The following NAA11 variants were observed in gnomAD, a reference collection of about 807,000 sequenced individuals.
The protein encoded by NAA11 is N-alpha-acetyltransferase 11.
NAA11 carries 15 observed loss-of-function variants against 16.1 expected under a neutral mutation model. The ratio of observed to expected loss-of-function variants is 0.93; its 90% CI spans 0.62 to 1.44. The LOEUF (loss-of-function observed/expected upper bound fraction) is 1.44, where lower values mean the gene tolerates loss of function less well. Ranked by LOEUF, NAA11 falls within the 40% of genes most tolerant of loss-of-function variation. The pLI, the probability that NAA11 is intolerant of heterozygous loss-of-function variation, is 0.00. For missense variants in NAA11, 298 were observed against 291.3 expected, an observed-to-expected ratio of 1.02 and a Z score of -0.17; for synonymous variants, 122 against 112.4, an observed-to-expected ratio of 1.09 and a Z score of -0.54.
At chr4:79,217,120 T>G in the NAA11 span, among the ~76,000 whole-genome samples, 4 of 152,216 alleles carry the variant, frequency 2.6e-5, no homozygotes, top group African/African-American at 9.6e-5. Flanking sequence ...ATTAGACATA[T>G]TGTAAATCAC....
chr4:79,225,183 A>G (rs866664944), downstream of NAA11, among the ~76,000 whole-genome samples: 25 of 152,036 alleles, frequency 1.6e-4, no homozygotes, highest in Middle Eastern at 3.2e-3. Context: ...GGGAAACTCA[A>G]TGTGGGGTAG....
chr4:79,241,253 T>G (rs542351370), intron 2 of NAA11, among the ~76,000 whole-genome samples: 1 of 152,244 alleles, frequency 6.6e-6, no homozygotes, highest in Non-Finnish European at 1.5e-5. Context: ...ATTTTCTTAT[T>G]AACATTTTAT....
intron 1 of NAA11, among the ~76,000 whole-genome samples, chr4:79,324,805 T>A (rs937619728): frequency 6.6e-6 from 1 of 152,186 alleles, no homozygotes; most frequent in Non-Finnish European, 1.5e-5. Context: ...CATTATTTCA[T>A]CAAGAGTTGG....
At chr4:79,303,074 TTTTATATA>T (rs1487525979) in intron 1 of NAA11, among the ~76,000 whole-genome samples, 3 of 72,282 alleles carry the variant, frequency 4.2e-5, no homozygotes, top group Admixed American at 1.5e-4. Context: ...TCTTGAGGCC[TTTTATATA>T]TATATATATA....
At chr4:79,175,823 C>T in the NAA11 span, among the ~76,000 whole-genome samples, 1 of 149,962 alleles carries the variant, frequency 6.7e-6, no homozygotes, top group Middle Eastern at 3.5e-3. Context: ...CCTTTTTATA[C>T]ATCTAATGTA....
the NAA11 span, among the ~76,000 whole-genome samples, chr4:79,198,807 A>C: frequency 1.3e-5 from 2 of 151,950 alleles, no homozygotes; most frequent in South Asian, 2.1e-4. Context: ...AACACCTCTC[A>C]CTATCATATC....
intron 2 of NAA11, among the ~76,000 whole-genome samples, chr4:79,281,771 T>G (rs1163620535): frequency 6.6e-6 from 1 of 152,066 alleles, no homozygotes; most frequent in Admixed American, 6.6e-5. Context: ...AGGGAGAGAA[T>G]ACAGTCATGG....
chr4:79,259,903 G>A (rs777773850), intron 2 of NAA11, among the ~76,000 whole-genome samples: 3 of 152,080 alleles, frequency 2.0e-5, no homozygotes, highest in African/African-American at 7.2e-5. Flanking sequence ...TGTGCTGCTC[G>A]TTTTTATTTC....
downstream of NAA11, among the ~76,000 whole-genome samples, chr4:79,311,940 A>G (rs1723782853): frequency 6.6e-6 from 1 of 152,210 alleles, no homozygotes; most frequent in Admixed American, 6.5e-5. Context: ...CTCAAGTTCC[A>G]TATGTATGCC....
chr4:79,230,976 T>C (rs1424854113), intron 2 of NAA11, among the ~76,000 whole-genome samples: 1 of 152,026 alleles, frequency 6.6e-6, no homozygotes. Flanking sequence ...ATCAACACTT[T>C]GCACATTTTG....
chr4:79,315,019 GT>G (rs902522184), downstream of NAA11, among the ~76,000 whole-genome samples: 4 of 151,898 alleles, frequency 2.6e-5, no homozygotes, highest in Non-Finnish European at 5.9e-5. Context: ...ATTATTTAGG[GT>G]CTAATCTATT....
chr4:79,294,667 G>C (rs1317031523), intron 1 of NAA11, among the ~76,000 whole-genome samples: 1 of 152,008 alleles, frequency 6.6e-6, no homozygotes, highest in Non-Finnish European at 1.5e-5. Flanking sequence ...CTTTTATCCA[G>C]TTTATTATAA....
At chr4:79,206,958 T>C in the NAA11 span, among the ~76,000 whole-genome samples, 2 of 152,100 alleles carry the variant, frequency 1.3e-5, no homozygotes, top group African/African-American at 4.8e-5. Context: ...GGTTTTTTTG[T>C]AGCTATTATA....
In NAA11 at chr4:79,325,336, T is replaced by C. The variant is rs769225482; in HGVS notation, c.542A>G (p.Gln181Arg). 6.2e-7 allele frequency: 1 copy of C among 1,613,886 alleles called. No homozygotes were observed. Among genetic ancestry groups the C allele is most frequent in the African/African-American group, 1.3e-5 (1 of 74,924 alleles). ...VLGSRENQETQGSTLSDSEEA... is the reference protein window; with the variant it reads ...VLGSRENQETRGSTLSDSEEA... ...TTCAGAATCAGAAAGTGTGCTGCCCTGGGTCTCCTGGTTCTCCCTGGAGCC... is the reference window on the plus strand; with the variant it reads ...TTCAGAATCAGAAAGTGTGCTGCCCCGGGTCTCCTGGTTCTCCCTGGAGCC... The change falls in exon 1 of 2, where the codon CAG becomes CGG. Residue 181 changes from glutamine to arginine, a missense_variant. Gln to Arg is a conservative substitution (Grantham distance 43, BLOSUM62 1). Transcript: ENST00000286794.
the NAA11 span, among the ~76,000 whole-genome samples, chr4:79,184,841 G>T: frequency 1.3e-5 from 2 of 152,110 alleles, no homozygotes; most frequent in Admixed American, 1.3e-4. Flanking sequence ...TAGACACTGA[G>T]ATTTACCTGA....
chr4:79,205,269 AT>A, the NAA11 span, among the ~76,000 whole-genome samples: 1 of 151,938 alleles, frequency 6.6e-6, no homozygotes, highest in Non-Finnish European at 1.5e-5. Flanking sequence ...GGTTGTACTA[AT>A]TTACATTCCC....
At chr4:79,216,323 G>A in the NAA11 span, among the ~76,000 whole-genome samples, 1,486 of 152,072 alleles carry the variant, frequency 9.8e-3, 10 homozygotes, top group South Asian at 0.015. Flanking sequence ...GCTTTTGTAT[G>A]TTTGAGATCA....
At chr4:79,157,383 T>G in the NAA11 span, among the ~76,000 whole-genome samples, 1 of 152,132 alleles carries the variant, frequency 6.6e-6, no homozygotes, top group East Asian at 1.9e-4. Context: ...TTACTGAACT[T>G]GGAATATTAG....
downstream of NAA11, among the ~76,000 whole-genome samples, chr4:79,223,402 A>T (rs1721237012): frequency 1.3e-5 from 2 of 148,566 alleles, no homozygotes; most frequent in South Asian, 4.4e-4. Context: ...AGAACAAAAA[A>T]CCAAACACCG....
Sources: allele counts gnomAD v4.1 joint callset (sites outside exome capture counted in the v4.1 genomes callset), GRCh38; gene constraint gnomAD v4.1.1; transcripts MANE v1.5; gene names NCBI Gene and HGNC (gene_info 2026-07-23, HGNC 2026-07-21).